Variants in VTN observed in about 807,000 individuals in gnomAD.
VTN encodes the protein vitronectin, also known as complement S-protein.
Under a neutral mutation model 55.9 loss-of-function variants are expected in VTN, and 45 were observed. The ratio of observed to expected loss-of-function variants is 0.80; its 90% CI spans 0.63 to 1.03. The LOEUF (loss-of-function observed/expected upper bound fraction) is 1.03. VTN is among the 50% of genes least tolerant of loss of function. VTN has a pLI of 0.00. For synonymous variants in VTN, 238 were observed against 242.3 expected (o/e 0.98, Z 0.17); for missense variants, 589 against 638.2 (o/e 0.92, Z 0.83).
Position 28,367,811 on chromosome 17 carries a change from T to C in VTN, c.1228A>G (p.Ser410Gly). The C allele has an allele frequency of 6.2e-7, 1 of 1,614,108 alleles. No homozygotes were observed. The highest frequency in any genetic ancestry group is 1.6e-4 in the Middle Eastern group (1 of 6,062). The change falls in exon 7 of 8, where the codon AGC becomes GGC. Residue 410 changes from serine to glycine, a missense_variant. Ser to Gly is a moderately conservative substitution (Grantham distance 56, BLOSUM62 0). This residue lies in a region of VTN where 334 missense variants were observed against 328.2 expected (regional missense o/e 1.02). Transcript: ENST00000226218. Reference sequence around the variant, plus strand: ...TCATAGTTGTTGGCTCCCAAGTTGCTCTCCTCACTGGAGAACAAGGACAGC... The same window carrying C: ...TCATAGTTGTTGGCTCCCAAGTTGCCCTCCTCACTGGAGAACAAGGACAGC... Reference protein sequence around the residue: ...TWLSLFSSEESNLGANNYDDY... With the variant: ...TWLSLFSSEEGNLGANNYDDY...
Position 28,369,671 on chromosome 17 carries a change from G to T in VTN, c.365C>A (p.Ala122Asp), listed in dbSNP as rs1555583668. The change falls in exon 3 of 8, where the codon GCC becomes GAC. Residue 122 changes from alanine (A) to aspartate (D), a missense_variant. By Grantham distance (126) the Ala-to-Asp change is moderately radical. Coordinates refer to ENST00000226218, the MANE Select transcript of VTN (RefSeq NM_000638.4). The surrounding 1 kb of genome is among the most constrained non-coding windows in gnomAD (Gnocchi z 5.3). ...AGAGGCGCCCACCTCAGGCGCAGGG[G>T]CCTCTTCCTCAGGTTTCAGAACAGG... ...QTPVLKPEEE[A>D]PAPEVGASKP... The T allele has an allele frequency of 5.0e-6, 8 of 1,613,652 alleles. No individual in the cohort carries two copies. Among genetic ancestry groups the T allele is most frequent in the South Asian group, 1.1e-5 (1 of 91,084 alleles).
Position 28,367,526 on chromosome 17 carries a change from C to T in VTN, c.1325-45G>A, listed in dbSNP as rs782561564. 1.1e-5 allele frequency: 17 copies of T among 1,545,234 alleles called. No individual in the cohort carries two copies. In the South Asian group the frequency reaches 1.9e-4, roughly 18 times the overall value. ...AGGATGCGTGAGGCCCAGCCTGGCC[C>T]TGCCCACTCTTCCCTTGAGAAGTCT... is the stretch of plus-strand genomic sequence containing the variant. On this transcript the variant is annotated intron_variant, in intron 7 of 7. Coordinates refer to ENST00000226218, the MANE Select transcript of VTN (RefSeq NM_000638.4).
rs148089887 is a variant in VTN at position 28,367,820 on chromosome 17, T to A, written c.1219A>T (p.Ser407Cys). Residue 407 changes from serine to cysteine, a missense_variant, in exon 7 of 8, where the codon AGT (serine) becomes TGT (cysteine). Ser to Cys is a moderately radical substitution (Grantham distance 112). Around this residue, in one of 3 missense-constraint regions of VTN, gnomAD observed 334 missense variants for 328.2 expected, o/e 1.02. Transcript: ENST00000226218. ...SRATWLSLFSSEESNLGANNY... is the reference protein window; with the variant it reads ...SRATWLSLFSCEESNLGANNY... Reference sequence around the variant, plus strand: ...TTGGCTCCCAAGTTGCTCTCCTCACTGGAGAACAAGGACAGCCACGTGGCG... The same window carrying A: ...TTGGCTCCCAAGTTGCTCTCCTCACAGGAGAACAAGGACAGCCACGTGGCG... 3.1e-6 allele frequency: 5 copies of A among 1,614,022 alleles called. No individual in the cohort carries two copies. Among genetic ancestry groups the A allele is most frequent in the Non-Finnish European group, 4.2e-6 (5 of 1,180,044 alleles).
Position 28,367,901 on chromosome 17 carries a change from G to A in VTN, c.1138C>T (p.Arg380Cys), listed in dbSNP as rs782558128. Residue 380 changes from arginine (R) to cysteine (C), a missense_variant, in exon 7 of 8, where the codon CGT becomes TGT. Arg to Cys is a radical substitution (Grantham distance 180). Coordinates refer to ENST00000226218, the MANE Select transcript of VTN (RefSeq NM_000638.4). ...CCACGGCTGTGGCCTCGTTGTGAACGGTAGCCTTTGCGGTTGCGATGCCTA... is the reference window on the plus strand; with the variant it reads ...CCACGGCTGTGGCCTCGTTGTGAACAGTAGCCTTTGCGGTTGCGATGCCTA... ...RFRHRNRKGYRSQRGHSRGRN... is the reference protein window; with the variant it reads ...RFRHRNRKGYCSQRGHSRGRN... The A allele has an allele frequency of 8.7e-6, 14 of 1,612,926 alleles. No individual in the cohort carries two copies. The highest frequency in any genetic ancestry group is 4.5e-5 in the East Asian group (2 of 44,842).
At position 28,369,893 on chromosome 17, in the gene VTN, C is replaced by T. The variant is rs1447652260; in HGVS notation, c.184+34G>A. On this transcript the variant is annotated intron_variant, in intron 2 of 7. Coordinates refer to ENST00000226218, the MANE Select transcript of VTN (RefSeq NM_000638.4). This position sits in a 1 kb window ranked among gnomAD's most constrained non-coding sequence, Gnocchi z 5.3. The stretch of plus-strand genomic sequence containing the variant: ...GTAGTGAGTCTCCAGCAGCAGGGGG[C>T]ACCCCAGCCCACCCACCTGGGCTCT... The T allele has an allele frequency of 6.2e-7, 1 of 1,612,226 alleles. No homozygotes were observed. Among genetic ancestry groups the T allele is most frequent in the Non-Finnish European group, 8.5e-7 (1 of 1,178,748 alleles).
Position 28,367,828 on chromosome 17 carries a change from A to G in VTN, c.1211T>C (p.Leu404Ser). The G allele has an allele frequency of 6.2e-7, 1 of 1,614,202 alleles. No individual in the cohort carries two copies. The highest frequency in any genetic ancestry group is 8.5e-7 in the Non-Finnish European group (1 of 1,180,042). The change falls in exon 7 of 8, where the codon TTG becomes TCG. Residue 404 changes from leucine to serine, a missense_variant. Leu to Ser is a moderately radical substitution (Grantham distance 145). Transcript: ENST00000226218. ...RRPSRATWLS[L>S]FSSEESNLGA... ...CAAGTTGCTCTCCTCACTGGAGAAC[A>G]AGGACAGCCACGTGGCGCGGGATGG...
At position 28,369,143 on chromosome 17, in the gene VTN, A is replaced by T; in HGVS notation, c.670-115T>A. On this transcript the variant is annotated intron_variant, in intron 4 of 7. Coordinates refer to ENST00000226218, the MANE Select transcript of VTN (RefSeq NM_000638.4). This position sits in a 1 kb window ranked among gnomAD's most constrained non-coding sequence, Gnocchi z 5.3. ...TCCAGGTTCACTGCCCAGGACCTGG[A>T]GTCTTGGGGCTGCCCTGTGCTCACA... is the stretch of plus-strand genomic sequence containing the variant. 6.7e-7 allele frequency: 1 copy of T among 1,499,610 alleles called. No individual in the cohort carries two copies. The highest frequency in any genetic ancestry group is 8.9e-7 in the Non-Finnish European group (1 of 1,121,264). 92.9% of individuals were successfully genotyped at this position (1,499,610 alleles called of 1,614,324 possible).
At chr17:28,367,524 C>A in intron 7 of VTN, 43 bp from the exon 8 acceptor site, 1 of 1,550,108 alleles carries the variant, frequency 6.5e-7, no homozygotes. Context: ...CCCAGCCTGG[C>A]CCTGCCCACT....
Position 28,369,024 on chromosome 17 carries a change from C to T in VTN, c.674G>A (p.Ser225Asn), listed in dbSNP as rs1555583501. The T allele has an allele frequency of 3.8e-6, 6 of 1,587,224 alleles. No homozygotes were observed. Among genetic ancestry groups the T allele is most frequent in the Non-Finnish European group, 5.1e-6 (6 of 1,172,108 alleles). ...ACCATCCTCAAAGCGCCAGTACTGA[C>T]TACCCTAAGAGGTGGGGAAAGTGAA... Reference protein sequence around the residue: ...CQGKTYLFKGSQYWRFEDGVL... With the variant: ...CQGKTYLFKGNQYWRFEDGVL... Residue 225 changes from serine (S) to asparagine (N), a missense_variant, in exon 5 of 8, where the codon AGT becomes AAT. Around this residue, in one of 3 missense-constraint regions of VTN, gnomAD observed 38 missense variants for 68.8 expected, o/e 0.55. Transcript: ENST00000226218. The surrounding 1 kb of genome is among the most constrained non-coding windows in gnomAD (Gnocchi z 5.3).
At position 28,369,665 on chromosome 17, in the gene VTN, G is replaced by T. The variant is rs144093348; in HGVS notation, c.371C>A (p.Ala124Glu). Residue 124 changes from alanine to glutamate, a missense_variant, in exon 3 of 8, where the codon GCG (alanine) becomes GAG (glutamate). By Grantham distance (107) the Ala-to-Glu change is moderately radical. Transcript: ENST00000226218. This position sits in a 1 kb window ranked among gnomAD's most constrained non-coding sequence, Gnocchi z 5.3. ...PVLKPEEEAP[A>E]PEVGASKPEG... ...AGGCTTAGAGGCGCCCACCTCAGGC[G>T]CAGGGGCCTCTTCCTCAGGTTTCAG... 1 of 1,613,730 alleles carries T rather than the reference G, an allele frequency of 6.2e-7. No homozygotes were observed.
chr17:28,368,554 T>C lies in VTN; in HGVS notation c.946A>G (p.Ile316Val). Residue 316 changes from isoleucine to valine, a missense_variant, in exon 6 of 8, where the codon ATC (isoleucine) becomes GTC (valine). Transcript: ENST00000226218. ...CTGCCCCAGAAGAGAAGCTCGAAGA[T>C]GTCCTCCCAGCTGTCCCGCTGCATC... ...AMMQRDSWEDIFELLFWGRTS... is the reference protein window; with the variant it reads ...AMMQRDSWEDVFELLFWGRTS... 1 of 1,614,034 alleles carries C rather than the reference T, an allele frequency of 6.2e-7. No individual in the cohort carries two copies. The highest frequency in any genetic ancestry group is 2.2e-5 in the East Asian group (1 of 44,884).
At chr17:28,368,795 G>T (rs373600892) in intron 5 of VTN, 77 bp downstream of exon 5, 1 of 1,611,762 alleles carries the variant, frequency 6.2e-7, no homozygotes, top group South Asian at 1.1e-5. Context: ...ACATGCTGAG[G>T]CCTGTCCCCA....
intron 7 of VTN, 63 bp from the exon 8 acceptor site, chr17:28,367,544 A>G: frequency 1.3e-6 from 2 of 1,500,816 alleles, no homozygotes; most frequent in South Asian, 2.3e-5. Flanking sequence ...TCTTCCCTTG[A>G]GAAGTCTAGG....
intron 6 of VTN, 69 bp from the exon 7 acceptor site, chr17:28,368,128 A>T: frequency 2.2e-6 from 3 of 1,355,286 alleles, no homozygotes; most frequent in Non-Finnish European, 2.0e-6. Context: ...CGGGGCCATT[A>T]GAGTTCATCT....
rs2067913881 is a variant in VTN at position 28,367,425 on chromosome 17, A to G, written c.1381T>C (p.Tyr461His). Reference protein sequence around the residue: ...TRRVDTVDPPYPRSIAQYWLG... With the variant: ...TRRVDTVDPPHPRSIAQYWLG... ...CAGTACTGAGCGATGGAGCGTGGGT[A>G]GGGAGGGTCCACAGTGTCCACTCGC... Residue 461 changes from tyrosine (Y) to histidine (H), a missense_variant, in exon 8 of 8, where the codon TAC (tyrosine) becomes CAC (histidine). Around this residue, in one of 3 missense-constraint regions of VTN, gnomAD observed 334 missense variants for 328.2 expected, o/e 1.02. Transcript: ENST00000226218. 1 of 1,612,974 alleles carries G rather than the reference A, an allele frequency of 6.2e-7. No individual in the cohort carries two copies. Among genetic ancestry groups the G allele is most frequent in the South Asian group, 1.1e-5 (1 of 90,942 alleles).
rs1597811473 is a variant in VTN at position 28,369,210 on chromosome 17, C to A, written c.669+79G>T. ...CTGCAGGGCCCTGGGTCCAGCTTCC[C>A]TGTCCACCCTGTCCCTGGGAGCAAT... On this transcript the variant is annotated intron_variant, in intron 4 of 7. Transcript: ENST00000226218. The surrounding 1 kb of genome is among the most constrained non-coding windows in gnomAD (Gnocchi z 5.3). 6.6e-7 allele frequency: 1 copy of A among 1,518,564 alleles called. No individual in the cohort carries two copies. Among genetic ancestry groups the A allele is most frequent in the African/African-American group, 1.4e-5 (1 of 71,808 alleles). 94.1% of individuals were successfully genotyped at this position (1,518,564 alleles called of 1,614,324 possible). A position where few individuals can be genotyped will look rare whatever the true frequency, so the allele number is the denominator to read the frequency against.
chr17:28,369,702 G>A lies in VTN; in HGVS notation c.334C>T (p.Gln112Ter). The A allele has an allele frequency of 6.2e-7, 1 of 1,613,836 alleles. No homozygotes were observed. The highest frequency in any genetic ancestry group is 8.5e-7 in the Non-Finnish European group (1 of 1,180,006). Residue 112 changes from glutamine to a stop codon, truncating the protein, a stop_gained, in exon 3 of 8, where the codon CAG (glutamine) becomes TAG (stop). Coordinates refer to ENST00000226218, the MANE Select transcript of VTN (RefSeq NM_000638.4). LOFTEE classifies it high-confidence loss of function. This position sits in a 1 kb window ranked among gnomAD's most constrained non-coding sequence, Gnocchi z 5.3. ...TCCTCAGGTTTCAGAACAGGTGTCT[G>A]CTCAGGATTCCCTTTGGACTGGGCC... ...LQAQSKGNPE[Q>*]TPVLKPEEEA...
chr17:28,370,114 A>G, intron 1 of VTN, 26 bp downstream of exon 1: 2 of 1,613,630 alleles, frequency 1.2e-6, no homozygotes, highest in Non-Finnish European at 1.7e-6. Context: ...ACATTGACCC[A>G]GATGGCCACC....
In VTN at chr17:28,369,576, CCTCCT is replaced by C; in HGVS notation, c.455_459del (p.Glu152GlyfsTer29). 6.2e-7 allele frequency: 1 copy of C among 1,613,064 alleles called. No individual in the cohort carries two copies. Among genetic ancestry groups the C allele is most frequent in the Admixed American group, 1.7e-5 (1 of 60,028 alleles). On this transcript the variant is annotated frameshift_variant, in exon 3 of 8. Transcript: ENST00000226218. LOFTEE classifies it high-confidence loss of function. The surrounding 1 kb of genome is among the most constrained non-coding windows in gnomAD (Gnocchi z 5.3). ...TCGAAGGGCTTCCCACTGCACAGCT[CCTCCT>C]CTGCTGGGGGCTGAGGTCTCCCTGG...
Sources: allele counts gnomAD v4.1 joint callset, GRCh38; gene constraint gnomAD v4.1.1; regional missense constraint gnomAD v4.1.1; non-coding constraint Gnocchi (gnomAD v3.1); transcripts MANE v1.5; gene names NCBI Gene and HGNC (gene_info 2026-07-23, HGNC 2026-07-21).